WSCD1: variants seen among roughly 807,000 people sequenced by gnomAD.
WSCD1 encodes WSC domain sialate O sulfotransferase 1.
In WSCD1, 41 loss-of-function variants were observed where a neutral mutation model predicts 60.4. That is an observed-to-expected ratio of 0.68 (90% CI 0.53 to 0.88). WSCD1 has a LOEUF of 0.88. Among genes scored for constraint, WSCD1 ranks in the 40% least tolerant of loss-of-function variants. WSCD1 has a pLI of 0.00. For synonymous variants in WSCD1, 361 were observed against 332.5 expected, an observed-to-expected ratio of 1.09 and a Z score of -0.93; for missense variants, 784 against 796.2, an observed-to-expected ratio of 0.98 and a Z score of 0.18.
rs67928797 is a variant in WSCD1 at position 6,078,561 on chromosome 17, G to GGTGTGT, written c.-288-1796_-288-1791dup. Among the ~76,000 whole-genome samples the GGTGTGT allele has an allele frequency of 4.5e-4, 67 of 150,406 alleles. No individual in the cohort carries two copies. The East Asian group carries it at 8.8e-3, about 20-fold the overall frequency. ...CCGGTGGCTCTGCTGGAATGTGGAGGGTGTGTGTGTGTGTGTGTGCGTGTG... is the reference window on the plus strand; with the variant it reads ...CCGGTGGCTCTGCTGGAATGTGGAGGGTGTGTGTGTGTGTGTGTGTGTGTGCGTGTG... On this transcript the variant is annotated intron_variant, in intron 1 of 8. Coordinates refer to ENST00000317744, the MANE Select transcript of WSCD1 (RefSeq NM_015253.2).
chr17:6,094,408 G>T (rs1258361390), intron 4 of WSCD1, among the ~76,000 whole-genome samples: 1 of 152,192 alleles, frequency 6.6e-6, no homozygotes, highest in Non-Finnish European at 1.5e-5. Flanking sequence ...CTGGGTTTCA[G>T]ATTTCCATGT....
upstream of WSCD1, chr17:6,069,297 G>C (rs776114042): frequency 4.5e-5 from 18 of 398,732 alleles, no homozygotes; most frequent in Non-Finnish European, 7.5e-5. Flanking sequence ...GCTCCTCCCT[G>C]GGAAAAATCT....
At chr17:6,093,946 C>T (rs1910219763) in intron 4 of WSCD1, among the ~76,000 whole-genome samples, 1 of 152,200 alleles carries the variant, frequency 6.6e-6, no homozygotes, top group African/African-American at 2.4e-5. Context: ...ACCACAGGTG[C>T]TGTGGTCAGT....
At chr17:6,094,770 C>A (rs1458446726) in intron 4 of WSCD1, among the ~76,000 whole-genome samples, 2 of 122,930 alleles carry the variant, frequency 1.6e-5, no homozygotes, top group African/African-American at 7.1e-5. Flanking sequence ...CTGGCAGAAG[C>A]AAGAGAAGGA....
At chr17:6,090,257 C>A in intron 3 of WSCD1, 64 bp from the exon 4 acceptor site, 1 of 1,443,150 alleles carries the variant, frequency 6.9e-7, no homozygotes, top group Non-Finnish European at 9.2e-7. Context: ...AAACAGTCTG[C>A]AGTTTAGACC....
rs1911328537 is a variant in WSCD1 at position 6,110,170 on chromosome 17, A to T, written c.1009+404A>T. Among the ~76,000 whole-genome samples the T allele has an allele frequency of 6.6e-6, 1 of 152,120 alleles. No individual in the cohort carries two copies. Among genetic ancestry groups the T allele is most frequent in the Non-Finnish European group, 1.5e-5 (1 of 68,016 alleles). On this transcript the variant is annotated intron_variant, in intron 6 of 8. Transcript: ENST00000317744. The surrounding 1 kb of genome is among the most constrained non-coding windows in gnomAD (Gnocchi z 4.8). ...GGGAACCCTCCTTGGTGTGAGCATC[A>T]GGTCTGCCCCTGTTGACCTTAGGAA...
chr17:6,073,640 TAA>T (rs1189936188), intron 1 of WSCD1, among the ~76,000 whole-genome samples: 2 of 152,070 alleles, frequency 1.3e-5, no homozygotes, highest in African/African-American at 4.8e-5. Flanking sequence ...GAAAAATAAA[TAA>T]AAATAAAAGA....
intron 5 of WSCD1, among the ~76,000 whole-genome samples, chr17:6,100,797 C>T (rs1424478347): frequency 1.3e-5 from 2 of 152,164 alleles, no homozygotes; most frequent in Middle Eastern, 3.2e-3. Context: ...GGTAAAATCA[C>T]CCCTGGTTGA....
chr17:6,098,635 G>A lies in WSCD1; in HGVS notation c.849+3412G>A, dbSNP rs111498455. 6.3e-3 allele frequency among the ~76,000 whole-genome samples: 963 copies of A among 152,316 alleles called. 8 individuals carry two copies. Among genetic ancestry groups the A allele is most frequent in the Admixed American group, 0.011 (168 of 15,300 alleles). ...CAGTGCTGACACCTGATCCTTATCCGGGCTGCCTCTGCGTGGTCAGATGGG... is the reference window on the plus strand; with the variant it reads ...CAGTGCTGACACCTGATCCTTATCCAGGCTGCCTCTGCGTGGTCAGATGGG... On this transcript the variant is annotated intron_variant, in intron 5 of 8. Transcript: ENST00000317744.
intron 5 of WSCD1, among the ~76,000 whole-genome samples, chr17:6,104,896 G>A (rs1450511493): frequency 6.6e-6 from 1 of 152,114 alleles, no homozygotes; most frequent in East Asian, 1.9e-4. Flanking sequence ...GCCTACCTCC[G>A]AGCCTCAGTT....
chr17:6,122,248 GCTGC>G lies in WSCD1; in HGVS notation c.*1589_*1592del, dbSNP rs1464912699. ...GGCCGGGGGTGGAAGGCCCAGTAGAGCTGCCCTTCCCCAGATGGAAGCTTCCTCC... is the reference window on the plus strand; with the variant it reads ...GGCCGGGGGTGGAAGGCCCAGTAGAGCCTTCCCCAGATGGAAGCTTCCTCC... On this transcript the variant is annotated 3_prime_UTR_variant, in exon 9 of 9. Transcript: ENST00000317744. 6.6e-6 allele frequency: 1 copy of G among 152,258 alleles called. No homozygotes were observed. Among genetic ancestry groups the G allele is most frequent in the African/African-American group, 2.4e-5 (1 of 41,444 alleles). 9.4% of individuals were successfully genotyped at this position (152,258 alleles called of 1,614,324 possible). A position where few individuals can be genotyped will look rare whatever the true frequency, so the allele number is the denominator to read the frequency against.
intron 5 of WSCD1, among the ~76,000 whole-genome samples, chr17:6,100,092 G>A (rs375325989): frequency 3.3e-5 from 5 of 152,130 alleles, no homozygotes; most frequent in Non-Finnish European, 4.4e-5. Flanking sequence ...TCTGGAGCAC[G>A]GAGAGGATGA....
intron 7 of WSCD1, among the ~76,000 whole-genome samples, chr17:6,111,481 G>A (rs1451810051): frequency 6.6e-6 from 1 of 152,004 alleles, no homozygotes; most frequent in Admixed American, 6.6e-5. Flanking sequence ...TGGGTGGATC[G>A]CCTGAGGTCA....
At chr17:6,106,992 G>A (rs1450161188) in intron 5 of WSCD1, among the ~76,000 whole-genome samples, 1 of 152,124 alleles carries the variant, frequency 6.6e-6, no homozygotes, top group East Asian at 1.9e-4. Context: ...CCACAGACTG[G>A]GCAGTGTAAA....
Position 6,124,084 on chromosome 17 carries a change from T to C in WSCD1, c.*3423T>C, listed in dbSNP as rs1318574383. 1 of 152,196 alleles carries C rather than the reference T, an allele frequency of 6.6e-6. No individual in the cohort carries two copies. Among genetic ancestry groups the C allele is most frequent in the Non-Finnish European group, 1.5e-5 (1 of 68,054 alleles). 9.4% of individuals were successfully genotyped at this position (152,196 alleles called of 1,614,324 possible). Reference sequence around the variant, plus strand: ...CTAAGCCAATGACACCTTCCATCTTTCCAGCTATGGTGACTGGGTTAGGTA... The same window carrying C: ...CTAAGCCAATGACACCTTCCATCTTCCCAGCTATGGTGACTGGGTTAGGTA... On this transcript the variant is annotated 3_prime_UTR_variant, in exon 9 of 9. Transcript: ENST00000317744.
rs1911274983 is a variant in WSCD1 at position 6,109,371 on chromosome 17, G to T, written c.850-236G>T. On this transcript the variant is annotated intron_variant, in intron 5 of 8. Transcript: ENST00000317744. ...CTTGTCAAGGAACCAACCAAGTAGGGCTGTGCTTATAAGAACATGGGCTAC... is the reference window on the plus strand; with the variant it reads ...CTTGTCAAGGAACCAACCAAGTAGGTCTGTGCTTATAAGAACATGGGCTAC... 4.6e-5 allele frequency among the ~76,000 whole-genome samples: 7 copies of T among 152,302 alleles called. No individual in the cohort carries two copies. In the South Asian group the frequency reaches 1.5e-3, roughly 32 times the overall value.
At chr17:6,096,944 G>A (rs992279682) in intron 5 of WSCD1, among the ~76,000 whole-genome samples, 1 of 152,242 alleles carries the variant, frequency 6.6e-6, no homozygotes, top group Admixed American at 6.5e-5. Flanking sequence ...CCTGCGGGGG[G>A]TTATCTGCTT....
chr17:6,105,949 C>A (rs1187515482), intron 5 of WSCD1, among the ~76,000 whole-genome samples: 1 of 152,178 alleles, frequency 6.6e-6, no homozygotes, highest in Admixed American at 6.5e-5. Flanking sequence ...CAATGACCAG[C>A]AGAAAAATCA....
chr17:6,077,319 C>G (rs1908930960), intron 1 of WSCD1, among the ~76,000 whole-genome samples: 2 of 152,054 alleles, frequency 1.3e-5, no homozygotes, highest in African/African-American at 4.8e-5. Context: ...CATCTCTTGA[C>G]CTTGTGATCC....
Sources: allele counts gnomAD v4.1 joint callset (sites outside exome capture counted in the v4.1 genomes callset), GRCh38; gene constraint gnomAD v4.1.1; non-coding constraint Gnocchi (gnomAD v3.1); transcripts MANE v1.5; gene names NCBI Gene and HGNC (gene_info 2026-07-23, HGNC 2026-07-21).